The following MINAR2 variants were observed in gnomAD, a reference collection of about 807,000 sequenced individuals.
MINAR2 encodes the protein major intrinsically disordered NOTCH2-binding receptor 1-like.
Under a neutral mutation model 16.1 loss-of-function variants are expected in MINAR2, and 21 were observed. The ratio of observed to expected loss-of-function variants is 1.31; its 90% CI spans 0.93 to 1.88. MINAR2 has a LOEUF of 1.88. Among genes scored for constraint, MINAR2 ranks in the 40% most tolerant of loss-of-function variants. The pLI is 0.00. For missense variants in MINAR2, 259 were observed against 229.8 expected, an observed-to-expected ratio of 1.13 and a Z score of -0.82; for synonymous variants, 86 against 83.0, an observed-to-expected ratio of 1.04 and a Z score of -0.20.
At chr5:129,753,189 A>T (rs1450586567) in intron 1 of MINAR2, among the ~76,000 whole-genome samples, 1 of 152,084 alleles carries the variant, frequency 6.6e-6, no homozygotes, top group Non-Finnish European at 1.5e-5. Context: ...TTGTTTTGAA[A>T]AAAACAGTGC....
Position 129,765,317 on chromosome 5 carries a change from T to A in MINAR2, c.*254T>A. The A allele has an allele frequency of 2.9e-6, 1 of 342,960 alleles. No homozygotes were observed. Among genetic ancestry groups the A allele is most frequent in the Non-Finnish European group, 5.2e-6 (1 of 191,770 alleles). 21.2% of individuals were successfully genotyped at this position (342,960 alleles called of 1,614,324 possible). On this transcript the variant is annotated 3_prime_UTR_variant, in exon 3 of 3. Coordinates refer to ENST00000564719, the MANE Select transcript of MINAR2 (RefSeq NM_001257308.2). ...TGGGAAGCAGGAATTCTGAGGACCA[T>A]AATCACAGAATAGTCACTATATGCA...
At chr5:129,762,899 A>G (rs1368045682) in intron 2 of MINAR2, among the ~76,000 whole-genome samples, 1 of 152,202 alleles carries the variant, frequency 6.6e-6, no homozygotes, top group Non-Finnish European at 1.5e-5. Context: ...CCTAAGTGGG[A>G]AGGCTCTTTT....
Position 129,752,854 on chromosome 5 carries a change from A to G in MINAR2, c.165+4499A>G, listed in dbSNP as rs187222814. ...TTGCACGTCAGAATATTTTCAGACTAACTCCTTTGTTATATCTTTTCCTGG... is the reference window on the plus strand; with the variant it reads ...TTGCACGTCAGAATATTTTCAGACTGACTCCTTTGTTATATCTTTTCCTGG... On this transcript the variant is annotated intron_variant, in intron 1 of 2. Transcript: ENST00000564719. Among the ~76,000 whole-genome samples, 353 of 152,060 alleles carry G rather than the reference A, an allele frequency of 2.3e-3. 4 individuals carry two copies. The highest frequency in any genetic ancestry group is 8.1e-3 in the African/African-American group (335 of 41,464).
At chr5:129,751,848 AT>A (rs1234125210) in intron 1 of MINAR2, among the ~76,000 whole-genome samples, 3 of 152,176 alleles carry the variant, frequency 2.0e-5, no homozygotes, top group African/African-American at 7.2e-5. Flanking sequence ...AAAAAGGCTG[AT>A]TTTTTTAAAC....
intron 1 of MINAR2, among the ~76,000 whole-genome samples, chr5:129,749,230 G>T (rs890247712): frequency 6.6e-6 from 1 of 152,164 alleles, no homozygotes; most frequent in African/African-American, 2.4e-5. Context: ...ACCCCTGCAA[G>T]TCATTAAATC....
intron 1 of MINAR2, among the ~76,000 whole-genome samples, chr5:129,749,540 A>G (rs1757961009): frequency 6.6e-6 from 1 of 152,086 alleles, no homozygotes; most frequent in Non-Finnish European, 1.5e-5. Context: ...ATACCCAGCC[A>G]TCTTGTTGTT....
chr5:129,748,573 G>C (rs1234851054), intron 1 of MINAR2, among the ~76,000 whole-genome samples: 1 of 151,934 alleles, frequency 6.6e-6, no homozygotes, highest in African/African-American at 2.4e-5. Flanking sequence ...TCCCCTCCTA[G>C]CATTAGCTTC....
intron 2 of MINAR2, 81 bp from the exon 3 acceptor site, chr5:129,764,803 T>C: frequency 1.4e-6 from 1 of 713,088 alleles, no homozygotes; most frequent in South Asian, 6.1e-5. Context: ...CCCATGACAG[T>C]GTCTTGTTCT....
intron 1 of MINAR2, among the ~76,000 whole-genome samples, chr5:129,755,525 A>T (rs200565493): frequency 1.3e-5 from 2 of 150,610 alleles, no homozygotes; most frequent in Admixed American, 6.6e-5. Context: ...AGGTTTGTTA[A>T]TTTTTTTTTT....
intron 1 of MINAR2, among the ~76,000 whole-genome samples, chr5:129,748,694 G>A (rs774524305): frequency 3.9e-5 from 6 of 151,970 alleles, no homozygotes; most frequent in Admixed American, 1.3e-4. Flanking sequence ...AAAAACTCCC[G>A]TCCCTATCTT....
chr5:129,758,375 A>G (rs1294794234), intron 1 of MINAR2, among the ~76,000 whole-genome samples: 3 of 152,024 alleles, frequency 2.0e-5, no homozygotes, highest in African/African-American at 7.2e-5. Flanking sequence ...ATAAATTTAT[A>G]CTATTAATTT....
rs764472976 is a variant in MINAR2, at chr5:129,760,470, A to G, written c.258A>G (p.Ser86=). 6.5e-7 allele frequency: 1 copy of G among 1,535,752 alleles called. No homozygotes were observed. The highest frequency in any genetic ancestry group is 1.4e-5 in the African/African-American group (1 of 73,020). ...TADSPPPSMS[S]VMKNNPLYGD... ...ATAGCCCCCCACCATCCATGTCATC[A>G]GTTATGAAGAATAACCCACTCTATG... Residue 86 remains serine (S), a synonymous_variant, in exon 2 of 3, where the codon TCA becomes TCG. Transcript: ENST00000564719.
chr5:129,760,614 G>A lies in MINAR2; in HGVS notation c.393+9G>A, dbSNP rs201465596. 2.8e-4 allele frequency: 428 copies of A among 1,525,170 alleles called. 1 individual carries two copies. The highest frequency in any genetic ancestry group is 1.7e-4 in the Middle Eastern group (1 of 5,958). The allele number at this position is 1,525,170 out of a possible 1,614,324, so 94.5% of individuals were successfully genotyped here. A position where few individuals can be genotyped will look rare whatever the true frequency, so the allele number is the denominator to read the frequency against. ...TCTCTGGACATCTGAAGGTACTCACGACTAAGAGTCAACCTCTTCAACTGA... is the reference window on the plus strand; with the variant it reads ...TCTCTGGACATCTGAAGGTACTCACAACTAAGAGTCAACCTCTTCAACTGA... On this transcript the variant is annotated intron_variant, in intron 2 of 2. Transcript: ENST00000564719.
intron 1 of MINAR2, among the ~76,000 whole-genome samples, chr5:129,758,841 C>A (rs1461290901): frequency 6.6e-6 from 1 of 151,954 alleles, no homozygotes; most frequent in Non-Finnish European, 1.5e-5. Context: ...ACTTTTGAAG[C>A]AGTCTATCTT....
Position 129,765,229 on chromosome 5 carries a change from C to A in MINAR2, c.*166C>A. 1 of 427,262 alleles carries A rather than the reference C, an allele frequency of 2.3e-6. No homozygotes were observed. Among genetic ancestry groups the A allele is most frequent in the Non-Finnish European group, 3.9e-6 (1 of 253,536 alleles). The allele number at this position is 427,262 out of a possible 1,614,324, so 26.5% of individuals were successfully genotyped here. ...TGTCCTGAAGAATGTGAATGTCAGG[C>A]GTGGTATGCTGGCTTCTCCACTTTG... On this transcript the variant is annotated 3_prime_UTR_variant, in exon 3 of 3. Coordinates refer to ENST00000564719, the MANE Select transcript of MINAR2 (RefSeq NM_001257308.2).
At chr5:129,749,077 A>G (rs1757954422) in intron 1 of MINAR2, among the ~76,000 whole-genome samples, 1 of 152,186 alleles carries the variant, frequency 6.6e-6, no homozygotes, top group Non-Finnish European at 1.5e-5. Flanking sequence ...GCTGGAGTAA[A>G]CATAAAGGCC....
chr5:129,761,446 A>G (rs1758134539), intron 2 of MINAR2, among the ~76,000 whole-genome samples: 1 of 151,806 alleles, frequency 6.6e-6, no homozygotes, highest in Non-Finnish European at 1.5e-5. Context: ...TTTAAAGAGG[A>G]CAGCACCCTG....
intron 1 of MINAR2, among the ~76,000 whole-genome samples, chr5:129,753,707 C>A (rs1305252136): frequency 6.6e-6 from 1 of 151,402 alleles, no homozygotes; most frequent in Non-Finnish European, 1.5e-5. Context: ...GAGCTGAGAT[C>A]GCGCCATTGT....
intron 1 of MINAR2, among the ~76,000 whole-genome samples, chr5:129,755,663 C>G (rs1398934335): frequency 6.6e-6 from 1 of 151,864 alleles, no homozygotes; most frequent in African/African-American, 2.4e-5. Context: ...TTGTCAAGTC[C>G]CCTTTACATT....
Sources: allele counts gnomAD v4.1 joint callset (sites outside exome capture counted in the v4.1 genomes callset), GRCh38; gene constraint gnomAD v4.1.1; transcripts MANE v1.5; gene names NCBI Gene and HGNC (gene_info 2026-07-23, HGNC 2026-07-21).